CDH4: variants seen among roughly 807,000 people sequenced by gnomAD.
The protein encoded by CDH4 is cadherin-4.
Under a neutral mutation model 86.0 loss-of-function variants are expected in CDH4, and 33 were observed. That is an observed-to-expected ratio of 0.38 (90% CI 0.29 to 0.51). The LOEUF is 0.51. Ranked by LOEUF, CDH4 falls within the 20% of genes least tolerant of loss-of-function variation. The pLI is 0.86. For missense variants in CDH4, 1,114 were observed against 1,307.4 expected, an observed-to-expected ratio of 0.85 and a Z score of 2.28; for synonymous variants, 555 against 549.4, an observed-to-expected ratio of 1.01 and a Z score of -0.14.
intron 2 of CDH4, among the ~76,000 whole-genome samples, chr20:61,673,152 C>T (rs993712709): frequency 3.9e-5 from 6 of 152,160 alleles, no homozygotes; most frequent in African/African-American, 9.7e-5. Flanking sequence ...CCAGAGAGAA[C>T]GCAGCCCTGC....
chr20:61,614,275 G>A (rs923854985), intron 2 of CDH4, among the ~76,000 whole-genome samples: 3 of 152,204 alleles, frequency 2.0e-5, no homozygotes, highest in African/African-American at 7.2e-5. Flanking sequence ...GAAAAGAAAG[G>A]GGCTGGGGCT....
chr20:61,493,920 C>A (rs1258995762), intron 2 of CDH4, among the ~76,000 whole-genome samples: 2 of 152,196 alleles, frequency 1.3e-5, no homozygotes, highest in Non-Finnish European at 2.9e-5. Flanking sequence ...CAGAGCCTGG[C>A]CCATGGTCCT....
intron 2 of CDH4, among the ~76,000 whole-genome samples, chr20:61,425,261 G>A (rs979378313): frequency 1.3e-5 from 2 of 152,120 alleles, no homozygotes; most frequent in South Asian, 2.1e-4. Flanking sequence ...AGAAGGCTCC[G>A]GGAACAGGAG....
intron 8 of CDH4, among the ~76,000 whole-genome samples, chr20:61,905,638 G>T (rs573346452): frequency 6.6e-6 from 1 of 152,272 alleles, no homozygotes; most frequent in South Asian, 2.1e-4. Flanking sequence ...GCCTCTGCTG[G>T]CTCCAAAGCT....
In CDH4 at chr20:61,715,745, G is replaced by T. The variant is rs77351363; in HGVS notation, c.170-27818G>T. On this transcript the variant is annotated intron_variant, in intron 2 of 15. Transcript: ENST00000614565. The stretch of plus-strand genomic sequence containing the variant: ...ACTGAAAGCCCTGGGATGTGACTCA[G>T]GTCTCAGAGCAAGGAGGTCAGCAGC... Among the ~76,000 whole-genome samples, 522 of 152,330 alleles carry T rather than the reference G, an allele frequency of 3.4e-3. 3 individuals carry two copies. Among genetic ancestry groups the T allele is most frequent in the African/African-American group, 0.012 (487 of 41,564 alleles).
rs537020835 is a variant in CDH4, at chr20:61,693,121, G to A, written c.170-50442G>A. On this transcript the variant is annotated intron_variant, in intron 2 of 15. Transcript: ENST00000614565. ...TCACCTGGTCACAGCTCAGCCTGGT[G>A]ACAATCAGAGAGGCCAGTCACTTTC... Among the ~76,000 whole-genome samples, 4 of 152,274 alleles carry A rather than the reference G, an allele frequency of 2.6e-5. 1 individual carries two copies. The highest frequency in any genetic ancestry group is 9.6e-5 in the African/African-American group (4 of 41,566).
At chr20:61,654,048 T>C (rs9712368) in intron 2 of CDH4, among the ~76,000 whole-genome samples, 60,278 of 150,430 alleles carry the variant, frequency 0.4, 12,431 homozygotes, top group Non-Finnish European at 0.46. Context: ...GCTGCAATCT[T>C]GGCACTTTGG....
Position 61,837,733 on chromosome 20 carries a change from C to T in CDH4, c.577-6935C>T, listed in dbSNP as rs575630404. Among the ~76,000 whole-genome samples, 6 of 148,588 alleles carry T rather than the reference C, an allele frequency of 4.0e-5. No individual in the cohort carries two copies. The East Asian group carries it at 5.9e-4, about 15-fold the overall frequency. On this transcript the variant is annotated intron_variant, in intron 4 of 15. Transcript: ENST00000614565. ...AGGACCAGCCTTGGGAAGCCCCCAG[C>T]GACGCCGTTGTGAGGGGAGAACAGA...
chr20:61,718,960 C>T (rs1210620029), intron 2 of CDH4: 4 of 471,032 alleles, frequency 8.5e-6, no homozygotes, highest in African/African-American at 2.0e-5. Flanking sequence ...GTCTTCTCTC[C>T]TCGCCCTGCC....
chr20:61,646,167 G>A (rs931364321), intron 2 of CDH4, among the ~76,000 whole-genome samples: 5 of 152,136 alleles, frequency 3.3e-5, no homozygotes, highest in African/African-American at 7.2e-5. Context: ...TGTGATTCCC[G>A]CGGTGGGAAG....
intron 2 of CDH4, among the ~76,000 whole-genome samples, chr20:61,690,647 G>C (rs894270789): frequency 6.6e-6 from 1 of 152,142 alleles, no homozygotes; most frequent in South Asian, 2.1e-4. Context: ...AGGACGGGGG[G>C]AGTTTCTCCA....
chr20:61,597,709 G>A (rs2086567080), intron 2 of CDH4, among the ~76,000 whole-genome samples: 1 of 152,220 alleles, frequency 6.6e-6, no homozygotes, highest in Non-Finnish European at 1.5e-5. Flanking sequence ...CAGCAGGGGT[G>A]CGCCTTCAGC....
chr20:61,910,487 A>C lies in CDH4; in HGVS notation c.1254A>C (p.Arg418=). ...TVVANLTVMD[R]DQPHSPNWNA... The stretch of plus-strand genomic sequence containing the variant: ...TCGCAAACCTCACGGTGATGGACCG[A>C]GATCAGCCCCACTCTCCAAACTGGA... Residue 418 remains arginine (R), a synonymous_variant, in exon 9 of 16, where the codon CGA becomes CGC. Transcript: ENST00000614565. 2.5e-6 allele frequency: 4 copies of C among 1,613,990 alleles called. No homozygotes were observed. Among genetic ancestry groups the C allele is most frequent in the Non-Finnish European group, 3.4e-6 (4 of 1,180,028 alleles).
chr20:61,580,710 C>T (rs760508977), intron 2 of CDH4, among the ~76,000 whole-genome samples: 2 of 152,112 alleles, frequency 1.3e-5, no homozygotes, highest in African/African-American at 2.4e-5. Context: ...AAGGCTCTGG[C>T]GTCTTTGTTT....
chr20:61,505,144 G>C (rs187402527), intron 2 of CDH4, among the ~76,000 whole-genome samples: 2 of 152,282 alleles, frequency 1.3e-5, no homozygotes, highest in Admixed American at 1.3e-4. Flanking sequence ...TGACGCAAGC[G>C]AGGCTCATTG....
At chr20:61,305,661 T>C (rs1046377953) in intron 2 of CDH4, among the ~76,000 whole-genome samples, 21 of 152,236 alleles carry the variant, frequency 1.4e-4, no homozygotes, top group Non-Finnish European at 3.1e-4. Context: ...GCCATGAGTT[T>C]GTGCATTTCC....
intron 2 of CDH4, among the ~76,000 whole-genome samples, chr20:61,531,613 T>TA (rs1314525928): frequency 1.3e-5 from 2 of 152,202 alleles, no homozygotes; most frequent in Non-Finnish European, 2.9e-5. Flanking sequence ...TAAGTTAATT[T>TA]AAATAAATAT....
chr20:61,382,748 C>T (rs975287334), intron 2 of CDH4, among the ~76,000 whole-genome samples: 17 of 152,142 alleles, frequency 1.1e-4, no homozygotes, highest in African/African-American at 4.1e-4. Context: ...TCGGGTGCAC[C>T]TCCATGGCCT....
chr20:61,266,158 G>C (rs2084157094), intron 2 of CDH4, among the ~76,000 whole-genome samples: 1 of 152,176 alleles, frequency 6.6e-6, no homozygotes, highest in African/African-American at 2.4e-5. Context: ...GCTGATCCTT[G>C]AGAGTTTGGG....
Sources: allele counts gnomAD v4.1 joint callset (sites outside exome capture counted in the v4.1 genomes callset), GRCh38; gene constraint gnomAD v4.1.1; transcripts MANE v1.5; gene names NCBI Gene and HGNC (gene_info 2026-07-23, HGNC 2026-07-21).